The following CDKAL1 variants were observed in gnomAD, a reference collection of about 807,000 sequenced individuals.
The protein encoded by CDKAL1 is threonylcarbamoyladenosine tRNA methylthiotransferase.
A neutral mutation model predicts 68.2 loss-of-function variants in CDKAL1; 32 were observed. The ratio of observed to expected loss-of-function variants is 0.47; its 90% CI spans 0.35 to 0.63. The LOEUF (loss-of-function observed/expected upper bound fraction) is 0.63. Ranked by LOEUF, CDKAL1 falls within the 30% of genes least tolerant of loss-of-function variation. The pLI is 0.00. For missense variants in CDKAL1, 606 were observed against 696.7 expected, an observed-to-expected ratio of 0.87 and a Z score of 1.47; for synonymous variants, 234 against 244.3, an observed-to-expected ratio of 0.96 and a Z score of 0.39.
intron 13 of CDKAL1, among the ~76,000 whole-genome samples, chr6:21,163,890 G>GATGCCATTTATGCCTAATATTGCTAGC (rs1562084372): frequency 2.0e-5 from 3 of 150,594 alleles, no homozygotes; most frequent in African/African-American, 7.5e-5. Context: ...GACGGAGGCT[G>GATGCCATTTATGCCTAATATTGCTAGC]CAGTAAGCCA....
chr6:21,194,566 C>T (rs1490058081), intron 13 of CDKAL1, among the ~76,000 whole-genome samples: 1 of 152,188 alleles, frequency 6.6e-6, no homozygotes, highest in Non-Finnish European at 1.5e-5. Flanking sequence ...ATGACTAGAA[C>T]TTCCTTACTC....
intron 7 of CDKAL1, 120 bp from the exon 8 acceptor site, chr6:20,781,025 T>A: frequency 1.0e-6 from 1 of 961,104 alleles, no homozygotes; most frequent in Non-Finnish European, 1.5e-6. Flanking sequence ...CACACTTCAC[T>A]CTTCTATGTT....
At chr6:21,219,066 A>T (rs923357350) in intron 15 of CDKAL1, among the ~76,000 whole-genome samples, 1 of 152,232 alleles carries the variant, frequency 6.6e-6, no homozygotes, top group African/African-American at 2.4e-5. Flanking sequence ...GGAAGAAAGC[A>T]TAATAGAACT....
At chr6:20,554,151 G>C (rs548025383) in intron 4 of CDKAL1, among the ~76,000 whole-genome samples, 1 of 152,352 alleles carries the variant, frequency 6.6e-6, no homozygotes, top group African/African-American at 2.4e-5. Flanking sequence ...AATCGTGCCT[G>C]CTTGTCTCTC....
At chr6:20,889,721 T>C (rs1761284985) in intron 9 of CDKAL1, among the ~76,000 whole-genome samples, 1 of 152,174 alleles carries the variant, frequency 6.6e-6, no homozygotes, top group Non-Finnish European at 1.5e-5. Flanking sequence ...GGTCTATATC[T>C]CTGTTTTGGT....
In CDKAL1 at chr6:20,649,371, C is replaced by T. The variant is rs1187563078; in HGVS notation, c.365C>T (p.Ser122Leu). ...CCAGCTGAAGACCACTTTAGAAACT[C>T]AATTAAGTAAGTAGAAATTGATTTT... ...KNPAEDHFRN[S>L]IKKAQEENKK... Residue 122 changes from serine (S) to leucine (L), a missense_variant, in exon 5 of 16, where the codon TCA becomes TTA. Physicochemically the swap from Ser to Leu is moderately radical, Grantham distance 145. Coordinates refer to ENST00000274695, the MANE Select transcript of CDKAL1 (RefSeq NM_017774.3). 6.4e-7 allele frequency: 1 copy of T among 1,569,914 alleles called. No homozygotes were observed. The highest frequency in any genetic ancestry group is 8.7e-7 in the Non-Finnish European group (1 of 1,148,706).
chr6:21,100,457 A>G (rs926108954), intron 12 of CDKAL1, among the ~76,000 whole-genome samples: 15 of 152,192 alleles, frequency 9.9e-5, no homozygotes, highest in African/African-American at 3.6e-4. Context: ...GGATGGAGAG[A>G]AAGAAGTTCA....
At chr6:21,193,706 T>C (rs1381245914) in intron 13 of CDKAL1, among the ~76,000 whole-genome samples, 1 of 152,244 alleles carries the variant, frequency 6.6e-6, no homozygotes, top group Non-Finnish European at 1.5e-5. Context: ...CTGCTAGAAC[T>C]GTGTGCTTCT....
At chr6:21,130,221 C>CT (rs10708944) in intron 13 of CDKAL1, among the ~76,000 whole-genome samples, 32,437 of 115,544 alleles carry the variant, frequency 0.28, 5,113 homozygotes, top group East Asian at 0.68. Flanking sequence ...TTGGACCTAA[C>CT]TTTTTTTTTT....
At chr6:20,760,162 T>C (rs1319025339) in intron 7 of CDKAL1, among the ~76,000 whole-genome samples, 2 of 152,092 alleles carry the variant, frequency 1.3e-5, no homozygotes, top group Non-Finnish European at 2.9e-5. Context: ...ATTTTATAAA[T>C]AGAGATGAGA....
chr6:20,612,565 T>G (rs1766666196), intron 4 of CDKAL1, among the ~76,000 whole-genome samples: 1 of 152,200 alleles, frequency 6.6e-6, no homozygotes, highest in Non-Finnish European at 1.5e-5. Context: ...TTGAGAAATG[T>G]CTATTCACAT....
At chr6:20,544,544 C>T (rs1186417494) in intron 2 of CDKAL1, among the ~76,000 whole-genome samples, 1 of 127,088 alleles carries the variant, frequency 7.9e-6, no homozygotes, top group African/African-American at 3.1e-5. Context: ...TGCAGTGAGT[C>T]GAGATCGCGC....
intron 12 of CDKAL1, among the ~76,000 whole-genome samples, chr6:21,074,145 G>GCACAAAGAAT (rs1446126718): frequency 6.6e-6 from 1 of 152,112 alleles, no homozygotes; most frequent in African/African-American, 2.4e-5. Context: ...GATTCTAGAG[G>GCACAAAGAAT]CTACAAGTAC....
chr6:21,186,910 AT>A (rs1215065653), intron 13 of CDKAL1, among the ~76,000 whole-genome samples: 2 of 152,184 alleles, frequency 1.3e-5, no homozygotes, highest in African/African-American at 2.4e-5. Flanking sequence ...GTTACTTCAC[AT>A]TTTTTGATAG....
At chr6:21,039,078 GT>G (rs1262144720) in intron 11 of CDKAL1, among the ~76,000 whole-genome samples, 2 of 152,126 alleles carry the variant, frequency 1.3e-5, no homozygotes, top group African/African-American at 4.8e-5. Context: ...ACTGATACCA[GT>G]CCATGGCCTG....
At chr6:20,637,429 G>A (rs915956125) in intron 4 of CDKAL1, among the ~76,000 whole-genome samples, 1 of 152,090 alleles carries the variant, frequency 6.6e-6, no homozygotes, top group Non-Finnish European at 1.5e-5. Context: ...CGGGTGTGGT[G>A]GCGGGTGCCT....
At chr6:20,779,899 T>A (rs1245832780) in intron 7 of CDKAL1, among the ~76,000 whole-genome samples, 5 of 151,890 alleles carry the variant, frequency 3.3e-5, no homozygotes, top group African/African-American at 1.2e-4. Flanking sequence ...TGACTCTTAC[T>A]CTCATAGTGT....
intron 13 of CDKAL1, among the ~76,000 whole-genome samples, chr6:21,158,493 A>T (rs78167806): frequency 6.6e-6 from 1 of 152,356 alleles, no homozygotes; most frequent in Non-Finnish European, 1.5e-5. Flanking sequence ...TCAAAGGGTC[A>T]TGATGAAGCT....
intron 5 of CDKAL1, among the ~76,000 whole-genome samples, chr6:20,684,437 G>A (rs926013719): frequency 2.0e-5 from 3 of 152,228 alleles, no homozygotes; most frequent in East Asian, 1.9e-4. Flanking sequence ...GTGAGTCTCT[G>A]TCTCAAACAA....
Sources: gnomAD v4.1 joint callset for allele counts (sites outside exome capture counted in the v4.1 genomes callset) on GRCh38, gnomAD v4.1.1 for gene constraint, MANE v1.5 for transcripts, NCBI Gene and HGNC (gene_info 2026-07-23, HGNC 2026-07-21) for gene names.